SMAD4: variants seen among roughly 807,000 people sequenced by gnomAD.
SMAD4 encodes MAD homolog 4.
Under a neutral mutation model 63.2 loss-of-function variants are expected in SMAD4, and 7 were observed. That is an observed-to-expected ratio of 0.11 (90% confidence interval 0.06 to 0.21). The LOEUF (loss-of-function observed/expected upper bound fraction) is 0.21. Ranked by LOEUF, SMAD4 falls within the 10% of genes least tolerant of loss-of-function variation. The probability of loss-of-function intolerance (pLI) is 1.00; values close to 1 mark genes in which losing one functional copy is unlikely to be tolerated. For missense variants in SMAD4, 312 were observed against 693.8 expected (o/e 0.45, Z 6.18); for synonymous variants, 215 against 235.4 (o/e 0.91, Z 0.79).
chr18:51,074,362 A>G (rs1263659689), intron 10 of SMAD4, among the ~76,000 whole-genome samples: 1 of 152,204 alleles, frequency 6.6e-6, no homozygotes, highest in Non-Finnish European at 1.5e-5. Context: ...AACAACAACA[A>G]AAAAGGCAAA....
At chr18:51,063,935 C>T (rs1910083332) in intron 8 of SMAD4, among the ~76,000 whole-genome samples, 1 of 152,144 alleles carries the variant, frequency 6.6e-6, no homozygotes. Context: ...CTCCTCATTG[C>T]ATTGGAAAGT....
intron 6 of SMAD4, 35 bp downstream of exon 6, chr18:51,058,279 TG>T: frequency 6.2e-7 from 1 of 1,611,034 alleles, no homozygotes; most frequent in Non-Finnish European, 8.5e-7. Context: ...TTTAAATAGT[TG>T]AGAAAAAAGT....
chr18:51,052,538 A>G (rs996616734), intron 4 of SMAD4: 5 of 201,566 alleles, frequency 2.5e-5, no homozygotes, highest in Admixed American at 5.4e-5. Flanking sequence ...GTTGAATGCT[A>G]GCCCATAAAG....
chr18:51,033,169 C>A (rs1001751054), intron 1 of SMAD4, among the ~76,000 whole-genome samples: 1 of 150,962 alleles, frequency 6.6e-6, no homozygotes, highest in Non-Finnish European at 1.5e-5. Context: ...AAAGGACTTA[C>A]ACCAGCATAA....
intron 5 of SMAD4, 115 bp downstream of exon 5, chr18:51,055,108 T>A: frequency 1.3e-6 from 1 of 793,460 alleles, no homozygotes; most frequent in Non-Finnish European, 2.2e-6. Flanking sequence ...GTAACTGTAG[T>A]ATCTTTCATA....
chr18:51,038,256 G>A (rs577090485), intron 1 of SMAD4, among the ~76,000 whole-genome samples: 1 of 150,492 alleles, frequency 6.6e-6, no homozygotes. Context: ...GACTGTGGGG[G>A]GGGGGGCAGT....
chr18:51,039,790 C>T (rs963930426), intron 1 of SMAD4, among the ~76,000 whole-genome samples: 1 of 152,046 alleles, frequency 6.6e-6, no homozygotes, highest in African/African-American at 2.4e-5. Context: ...TAAATAAGAT[C>T]ATTTAAACTG....
chr18:51,048,647 T>C lies in SMAD4; in HGVS notation c.250-39T>C, dbSNP rs772172736. On this transcript the variant is annotated intron_variant, in intron 2 of 11. Transcript: ENST00000342988. Reference sequence around the variant, plus strand: ...TCAGAATATATAAAAGTGTCTTGCATAATGTGACACATGAATAAATGGTCG... The same window carrying C: ...TCAGAATATATAAAAGTGTCTTGCACAATGTGACACATGAATAAATGGTCG... 15 of 1,578,170 alleles carry C rather than the reference T, an allele frequency of 9.5e-6. No homozygotes were observed. The South Asian group carries it at 1.7e-4, about 17-fold the overall frequency.
At chr18:51,034,494 A>G (rs911031733) in intron 1 of SMAD4, among the ~76,000 whole-genome samples, 1 of 151,410 alleles carries the variant, frequency 6.6e-6, no homozygotes, top group African/African-American at 2.4e-5. Context: ...CAGGTGATCC[A>G]CCCGCCTCAG....
At chr18:51,046,176 A>G (rs185896782) in intron 1 of SMAD4, among the ~76,000 whole-genome samples, 1 of 152,288 alleles carries the variant, frequency 6.6e-6, no homozygotes, top group East Asian at 1.9e-4. Context: ...AACATTTTGT[A>G]TTAATACCAG....
At chr18:51,048,538 C>A in intron 2 of SMAD4, 148 bp from the exon 3 acceptor site, 1 of 741,296 alleles carries the variant, frequency 1.3e-6, no homozygotes, top group Non-Finnish European at 2.4e-6. Flanking sequence ...TATGACATGG[C>A]CAAGTTAGTT....
At chr18:51,075,436 C>T (rs1297192317) in intron 10 of SMAD4, among the ~76,000 whole-genome samples, 1 of 152,040 alleles carries the variant, frequency 6.6e-6, no homozygotes, top group African/African-American at 2.4e-5. Flanking sequence ...TATTCATGTC[C>T]TTTTAGATAG....
intron 10 of SMAD4, among the ~76,000 whole-genome samples, chr18:51,071,345 A>G (rs1277430237): frequency 6.6e-6 from 1 of 152,076 alleles, no homozygotes; most frequent in Non-Finnish European, 1.5e-5. Context: ...GAGAGCCATA[A>G]TTTCATTTTA....
intron 10 of SMAD4, among the ~76,000 whole-genome samples, chr18:51,071,249 A>G (rs111349749): frequency 6.6e-5 from 10 of 151,818 alleles, no homozygotes; most frequent in Non-Finnish European, 1.3e-4. Context: ...TGAGTACACA[A>G]ATGTGTGCAT....
At chr18:51,055,385 A>G (rs1037222105) in intron 5 of SMAD4, among the ~76,000 whole-genome samples, 4 of 152,166 alleles carry the variant, frequency 2.6e-5, no homozygotes, top group African/African-American at 7.2e-5. Context: ...TTCTGGGACA[A>G]TATTACCTTA....
chr18:51,034,276 C>T (rs1205240691), intron 1 of SMAD4, among the ~76,000 whole-genome samples: 9 of 135,676 alleles, frequency 6.6e-5, no homozygotes, highest in Non-Finnish European at 1.1e-4. Flanking sequence ...GACGGAGTTT[C>T]GCTCTTGTCA....
chr18:51,043,871 T>C (rs1909460214), intron 1 of SMAD4, among the ~76,000 whole-genome samples: 1 of 152,218 alleles, frequency 6.6e-6, no homozygotes, highest in African/African-American at 2.4e-5. Flanking sequence ...TGCACTCTTC[T>C]AATTTGTTGT....
At position 51,081,293 on chromosome 18, in the gene SMAD4, C is replaced by T; in HGVS notation, c.*2826C>T. On this transcript the variant is annotated 3_prime_UTR_variant, in exon 12 of 12. Coordinates refer to ENST00000342988, the MANE Select transcript of SMAD4 (RefSeq NM_005359.6). ...AGCTGAATGAGAGATGAGCCATGTA[C>T]ACCCACCGTAAGACCTCATTCCATG... The T allele has an allele frequency of 4.4e-6, 1 of 227,654 alleles. No individual in the cohort carries two copies. The highest frequency in any genetic ancestry group is 6.3e-5 in the East Asian group (1 of 15,816). 14.1% of individuals were successfully genotyped at this position (227,654 alleles called of 1,614,324 possible).
chr18:51,077,018 T>G, intron 11 of SMAD4: 1 of 385,716 alleles, frequency 2.6e-6, no homozygotes. Context: ...GGATGATTAT[T>G]ATATTATACT....
Sources: allele counts gnomAD v4.1 joint callset (sites outside exome capture counted in the v4.1 genomes callset), GRCh38; gene constraint gnomAD v4.1.1; transcripts MANE v1.5; gene names NCBI Gene and HGNC (gene_info 2026-07-23, HGNC 2026-07-21).